Variants in DAW1 observed in about 807,000 individuals in gnomAD.
DAW1 encodes dynein assembly factor with WD repeat domains 1.
Under a neutral mutation model 56.5 loss-of-function variants are expected in DAW1, and 47 were observed. The observed-to-expected ratio is 0.83, with a 90% confidence interval of 0.66 to 1.06. The LOEUF (loss-of-function observed/expected upper bound fraction) is 1.06. DAW1 is among the 50% of genes least tolerant of loss of function. DAW1 has a pLI of 0.00. For missense variants in DAW1, 505 were observed against 499.3 expected, an observed-to-expected ratio of 1.01 and a Z score of -0.11; for synonymous variants, 190 against 179.0, an observed-to-expected ratio of 1.06 and a Z score of -0.49.
chr2:227,873,261 T>C (rs1352214652), intron 1 of DAW1, among the ~76,000 whole-genome samples: 1 of 152,228 alleles, frequency 6.6e-6, no homozygotes, highest in African/African-American at 2.4e-5. Flanking sequence ...TGCCATAAAG[T>C]GCTTAAAAAT....
intron 2 of DAW1, 96 bp from the exon 3 acceptor site, chr2:227,889,760 T>C: frequency 9.6e-7 from 1 of 1,037,968 alleles, no homozygotes; most frequent in Non-Finnish European, 1.3e-6. Flanking sequence ...TTTATAAATG[T>C]GCTTCATGAA....
chr2:227,889,524 T>A (rs1368037385), intron 2 of DAW1: 1 of 173,108 alleles, frequency 5.8e-6, no homozygotes, highest in Non-Finnish European at 1.2e-5. Flanking sequence ...GGTGAACATG[T>A]TTCAGCATGA....
Position 227,889,940 on chromosome 2 carries a change from G to A in DAW1, c.198G>A (p.Leu66=). Residue 66 remains leucine (L), a synonymous_variant, in exon 3 of 13, where the codon TTG becomes TTA. Transcript: ENST00000309931. ...CACGAACAGAGCAAGTCAAACTTTT[G>A]ATACAGAGGTTGCAAGAGAAACTCG... The part of the protein sequence containing the change: ...TASRTEQVKL[L]IQRLQEKLGQ... 6.2e-7 allele frequency: 1 copy of A among 1,605,836 alleles called. No individual in the cohort carries two copies. The highest frequency in any genetic ancestry group is 8.5e-7 in the Non-Finnish European group (1 of 1,176,982).
At position 227,906,242 on chromosome 2, in the gene DAW1, A is replaced by G. The variant is rs774189605; in HGVS notation, c.762A>G (p.Val254=). Residue 254 remains valine, a synonymous_variant, in exon 9 of 13, where the codon GTA becomes GTG. Transcript: ENST00000309931. ...VVWDADTGRK[V]NILIGHCAEI... ...AATTATTTTTGTGTTGTAGGAAGGTAAATATCTTAATTGGTCATTGTGCTG... is the reference window on the plus strand; with the variant it reads ...AATTATTTTTGTGTTGTAGGAAGGTGAATATCTTAATTGGTCATTGTGCTG... 6.2e-7 allele frequency: 1 copy of G among 1,611,200 alleles called. No individual in the cohort carries two copies. Among genetic ancestry groups the G allele is most frequent in the East Asian group, 2.2e-5 (1 of 44,812 alleles).
At chr2:227,910,522 ACACC>A (rs1486739654) in intron 10 of DAW1, among the ~76,000 whole-genome samples, 9 of 151,466 alleles carry the variant, frequency 5.9e-5, no homozygotes, top group South Asian at 2.1e-4. Flanking sequence ...ACACACACAC[ACACC>A]CCTCATATTC....
chr2:227,923,585 T>A (rs893359966), intron 12 of DAW1, among the ~76,000 whole-genome samples: 1 of 152,116 alleles, frequency 6.6e-6, no homozygotes, highest in African/African-American at 2.4e-5. Context: ...TATTCAAAGT[T>A]GCTGTATTTC....
At chr2:227,894,296 G>T (rs1033704960) in intron 5 of DAW1, among the ~76,000 whole-genome samples, 6 of 152,088 alleles carry the variant, frequency 3.9e-5, no homozygotes, top group African/African-American at 1.2e-4. Flanking sequence ...CATGCCTGTA[G>T]TCCCAGCTAC....
intron 10 of DAW1, 84 bp from the exon 11 acceptor site, chr2:227,918,696 T>G: frequency 7.0e-7 from 1 of 1,422,346 alleles, no homozygotes; most frequent in South Asian, 1.2e-5. Context: ...GTCAGGGGGA[T>G]ATATATTTAT....
At position 227,898,286 on chromosome 2, in the gene DAW1, G is replaced by GT; in HGVS notation, c.540+6dup. On this transcript the variant is annotated splice_donor_region_variant and intron_variant, in intron 6 of 12. Transcript: ENST00000309931. The stretch of plus-strand genomic sequence containing the variant: ...AGGGGTCATACAGCAGAAATAGTGA[G>GT]TATATTTAACAATTTATTATTATTT... 1.4e-6 allele frequency: 2 copies of GT among 1,434,104 alleles called. No individual in the cohort carries two copies. Among genetic ancestry groups the GT allele is most frequent in the Non-Finnish European group, 1.9e-6 (2 of 1,072,834 alleles). 88.8% of individuals were successfully genotyped at this position (1,434,104 alleles called of 1,614,324 possible).
At chr2:227,887,489 CT>C (rs1196468477) in intron 2 of DAW1, 1 of 152,190 alleles carries the variant, frequency 6.6e-6, no homozygotes, top group Non-Finnish European at 1.5e-5. Context: ...ACTTGATAGG[CT>C]TTTTGTCTAG....
At chr2:227,900,949 G>A (rs895355321) in intron 6 of DAW1, among the ~76,000 whole-genome samples, 12 of 152,302 alleles carry the variant, frequency 7.9e-5, no homozygotes, top group Admixed American at 2.6e-4. Context: ...GTATGCAGGA[G>A]GTTATATACT....
intron 12 of DAW1, among the ~76,000 whole-genome samples, chr2:227,921,918 T>C (rs1480504971): frequency 6.6e-6 from 1 of 152,210 alleles, no homozygotes; most frequent in African/African-American, 2.4e-5. Context: ...ACAATCTCAG[T>C]GCTTTGAGAG....
chr2:227,903,880 G>GA (rs1214252421), intron 7 of DAW1, among the ~76,000 whole-genome samples: 8 of 151,466 alleles, frequency 5.3e-5, no homozygotes, highest in South Asian at 2.1e-4. Context: ...GACTGCAAAA[G>GA]AAAAAAAATC....
At chr2:227,911,666 T>A (rs1691831488) in intron 10 of DAW1, among the ~76,000 whole-genome samples, 1 of 152,106 alleles carries the variant, frequency 6.6e-6, no homozygotes, top group Non-Finnish European at 1.5e-5. Flanking sequence ...TCCCTGATGA[T>A]CATTTTATTT....
At chr2:227,905,090 CCTCT>C in intron 8 of DAW1, 55 bp downstream of exon 8, 1 of 1,485,886 alleles carries the variant, frequency 6.7e-7, no homozygotes, top group Non-Finnish European at 9.2e-7. Context: ...TTCAGAAAAC[CCTCT>C]GTTATTTTTT....
chr2:227,885,284 G>A, intron 1 of DAW1, 67 bp from the exon 2 acceptor site: 1 of 1,120,028 alleles, frequency 8.9e-7, no homozygotes, highest in South Asian at 1.9e-5. Context: ...ACTGTGGCAA[G>A]GTAGGTTAAC....
At chr2:227,903,285 G>T (rs1691592443) in intron 7 of DAW1, among the ~76,000 whole-genome samples, 176 bp downstream of exon 7, 1 of 152,168 alleles carries the variant, frequency 6.6e-6, no homozygotes, top group African/African-American at 2.4e-5. Flanking sequence ...AGGTGCTGGG[G>T]AAGTCCAAGG....
At position 227,920,192 on chromosome 2, in the gene DAW1, T is replaced by G. The variant is rs147255658; in HGVS notation, c.1051-1207T>G. On this transcript the variant is annotated intron_variant, in intron 11 of 12. Transcript: ENST00000309931. ...AAAGAATTCTCTAGTGCTATTTTAT[T>G]ACATTTTATGCTTTTTAAATGAACA... Among the ~76,000 whole-genome samples the G allele has an allele frequency of 5.8e-3, 879 of 152,380 alleles. 9 individuals carry two copies. Among genetic ancestry groups the G allele is most frequent in the South Asian group, 8.3e-3 (40 of 4,834 alleles).
chr2:227,881,199 G>T (rs1481601171), intron 1 of DAW1, among the ~76,000 whole-genome samples: 1 of 152,192 alleles, frequency 6.6e-6, no homozygotes, highest in Non-Finnish European at 1.5e-5. Context: ...AGCAATTTGA[G>T]GACAGTCTTC....
Sources: allele counts gnomAD v4.1 joint callset (sites outside exome capture counted in the v4.1 genomes callset), GRCh38; gene constraint gnomAD v4.1.1; transcripts MANE v1.5; gene names NCBI Gene and HGNC (gene_info 2026-07-23, HGNC 2026-07-21).